LINGO2: variants seen among roughly 807,000 people sequenced by gnomAD.
The protein encoded by LINGO2 is leucine rich repeat and Ig domain containing 2, also known as leucine-rich repeat and immunoglobulin-like domain-containing nogo receptor-interacting protein 2.
A neutral mutation model predicts 30.6 loss-of-function variants in LINGO2; 14 were observed. The observed-to-expected ratio is 0.46, with a 90% CI of 0.30 to 0.72. The LOEUF is 0.72. Among genes scored for constraint, LINGO2 ranks in the 30% least tolerant of loss-of-function variants. The probability of loss-of-function intolerance (pLI) is 0.07; values close to 1 mark genes in which losing one functional copy is unlikely to be tolerated. For missense variants in LINGO2, 729 were observed against 751.7 expected, an observed-to-expected ratio of 0.97 and a Z score of 0.35; for synonymous variants, 317 against 288.5, an observed-to-expected ratio of 1.10 and a Z score of -1.00.
intron 3 of LINGO2, among the ~76,000 whole-genome samples, chr9:28,305,933 A>T (rs1233513707): frequency 2.0e-5 from 3 of 152,086 alleles, no homozygotes; most frequent in African/African-American, 7.2e-5. Context: ...AGCTTTGAGA[A>T]TTTAAAAGAT....
the LINGO2 span, among the ~76,000 whole-genome samples, chr9:29,114,802 AT>A: frequency 0.24 from 36,416 of 151,422 alleles, 4,497 homozygotes; most frequent in East Asian, 0.4. Context: ...CCAGTCTACC[AT>A]TGTTGGACAT....
chr9:28,326,386 C>G (rs748198008), intron 3 of LINGO2, among the ~76,000 whole-genome samples: 2 of 152,158 alleles, frequency 1.3e-5, no homozygotes, highest in Non-Finnish European at 2.9e-5. Flanking sequence ...GATTCTTTAA[C>G]CTTGCTCCTC....
At chr9:28,221,498 G>A (rs961945199) in intron 4 of LINGO2, among the ~76,000 whole-genome samples, 1 of 152,014 alleles carries the variant, frequency 6.6e-6, no homozygotes, top group Non-Finnish European at 1.5e-5. Context: ...GAAGTAGAGG[G>A]AAGGTGTTGG....
chr9:28,190,199 T>C (rs1428613428), intron 4 of LINGO2, among the ~76,000 whole-genome samples: 1 of 152,154 alleles, frequency 6.6e-6, no homozygotes, highest in African/African-American at 2.4e-5. Context: ...AGCTGTTTTG[T>C]CCATAAATGG....
chr9:28,532,298 G>A (rs1202765460), intron 1 of LINGO2, among the ~76,000 whole-genome samples: 2 of 152,146 alleles, frequency 1.3e-5, no homozygotes, highest in Non-Finnish European at 2.9e-5. Context: ...CAGCAAATCA[G>A]GAGAATATCC....
intron 4 of LINGO2, among the ~76,000 whole-genome samples, chr9:28,022,175 A>T (rs1326571591): frequency 6.6e-6 from 1 of 152,074 alleles, no homozygotes; most frequent in Non-Finnish European, 1.5e-5. Context: ...TCACTAATAA[A>T]GTCCAATTTC....
the LINGO2 span, among the ~76,000 whole-genome samples, chr9:29,042,462 T>C: frequency 6.6e-6 from 1 of 151,990 alleles, no homozygotes; most frequent in East Asian, 1.9e-4. Flanking sequence ...AGTGGGTGAA[T>C]GGTTAAACAA....
At chr9:28,195,121 C>G (rs1819963400) in intron 4 of LINGO2, among the ~76,000 whole-genome samples, 2 of 151,860 alleles carry the variant, frequency 1.3e-5, no homozygotes, top group Non-Finnish European at 1.5e-5. Flanking sequence ...TATTAAGTAA[C>G]TTTTAGAACA....
At chr9:28,640,494 A>G (rs1405530070) in intron 1 of LINGO2, among the ~76,000 whole-genome samples, 1 of 144,634 alleles carries the variant, frequency 6.9e-6, no homozygotes, top group East Asian at 2.0e-4. Flanking sequence ...ACACAGTCCC[A>G]TATTTCTTGG....
the LINGO2 span, among the ~76,000 whole-genome samples, chr9:28,816,669 T>C: frequency 6.6e-6 from 1 of 151,992 alleles, no homozygotes; most frequent in African/African-American, 2.4e-5. Context: ...ATCATAGGAG[T>C]TGCCTGGCAA....
At chr9:28,612,173 T>C (rs1353421719) in intron 1 of LINGO2, among the ~76,000 whole-genome samples, 1 of 152,142 alleles carries the variant, frequency 6.6e-6, no homozygotes, top group Non-Finnish European at 1.5e-5. Context: ...GCCATCCTTC[T>C]GCCTGTGCCT....
chr9:29,184,216 A>C, the LINGO2 span, among the ~76,000 whole-genome samples: 1 of 152,148 alleles, frequency 6.6e-6, no homozygotes, highest in South Asian at 2.1e-4. Context: ...TTTATGTTGA[A>C]GACTTTCCTT....
rs1824403261 is a variant in LINGO2, at chr9:28,307,201, T to A, written c.-245-11835A>T. On this transcript the variant is annotated intron_variant, in intron 3 of 5. Transcript: ENST00000379992. ...CTCAATAAAATACTGGGAAACCGAA[T>A]CCAGCAACACATCAAAAAGCTTATC... Among the ~76,000 whole-genome samples the A allele has an allele frequency of 2.6e-5, 4 of 152,270 alleles. No individual in the cohort carries two copies. The South Asian group carries it at 8.3e-4, about 32-fold the overall frequency.
the LINGO2 span, among the ~76,000 whole-genome samples, chr9:28,872,951 T>C: frequency 1.3e-5 from 2 of 152,150 alleles, no homozygotes; most frequent in African/African-American, 2.4e-5. Flanking sequence ...AGGATTCCAT[T>C]TGCAATGACA....
At chr9:28,257,702 A>C (rs1224353353) in intron 4 of LINGO2, among the ~76,000 whole-genome samples, 1 of 151,884 alleles carries the variant, frequency 6.6e-6, no homozygotes, top group Non-Finnish European at 1.5e-5. Flanking sequence ...TTGCCTTTCT[A>C]TCTTATCCTA....
the LINGO2 span, among the ~76,000 whole-genome samples, chr9:29,004,175 T>C: frequency 6.6e-6 from 1 of 152,018 alleles, no homozygotes. Flanking sequence ...TTCTTTTACA[T>C]TTTAGCTTAC....
the LINGO2 span, among the ~76,000 whole-genome samples, chr9:28,972,053 T>C: frequency 6.6e-6 from 1 of 152,224 alleles, no homozygotes; most frequent in African/African-American, 2.4e-5. Flanking sequence ...ATCAAAGCAG[T>C]ACCTTTATGA....
the LINGO2 span, among the ~76,000 whole-genome samples, chr9:29,178,094 T>C: frequency 6.6e-6 from 1 of 152,010 alleles, no homozygotes; most frequent in Non-Finnish European, 1.5e-5. Flanking sequence ...TCACTCTTGT[T>C]GCCCAGACTA....
the LINGO2 span, among the ~76,000 whole-genome samples, chr9:28,885,212 G>A: frequency 6.1e-5 from 9 of 147,498 alleles, no homozygotes; most frequent in African/African-American, 2.2e-4. Context: ...CCTAATAATT[G>A]CAACGGTGCC....
Sources: gnomAD v4.1 joint callset for allele counts (sites outside exome capture counted in the v4.1 genomes callset) on GRCh38, gnomAD v4.1.1 for gene constraint, MANE v1.5 for transcripts, NCBI Gene and HGNC (gene_info 2026-07-23, HGNC 2026-07-21) for gene names.